The following ZMYND8 variants were observed in gnomAD, a reference collection of about 807,000 sequenced individuals.
ZMYND8 encodes the protein MYND-type zinc finger-containing chromatin reader ZMYND8.
In ZMYND8, 37 loss-of-function variants were observed where a neutral mutation model predicts 140.8. The observed-to-expected ratio is 0.26, with a 90% CI of 0.20 to 0.35. The LOEUF (loss-of-function observed/expected upper bound fraction) is 0.35, where lower values mean the gene tolerates loss of function less well. Among genes scored for constraint, ZMYND8 ranks in the 10% least tolerant of loss-of-function variants. ZMYND8 has a pLI of 1.00. For missense variants in ZMYND8, 1,068 were observed against 1,570.0 expected (o/e 0.68, Z 5.40); for synonymous variants, 592 against 597.1 (o/e 0.99, Z 0.12).
chr20:47,337,800 G>A (rs976511404), intron 2 of ZMYND8, among the ~76,000 whole-genome samples: 1 of 152,032 alleles, frequency 6.6e-6, no homozygotes, highest in Non-Finnish European at 1.5e-5. Context: ...TTGAAAGCTC[G>A]AAAGCTTTGT....
chr20:47,295,850 T>C (rs1315934196), intron 4 of ZMYND8, among the ~76,000 whole-genome samples: 1 of 152,164 alleles, frequency 6.6e-6, no homozygotes, highest in African/African-American at 2.4e-5. Flanking sequence ...ACAACAAAAA[T>C]AGCAAATTCT....
chr20:47,309,986 C>A, intron 3 of ZMYND8, 70 bp downstream of exon 3: 1 of 1,596,186 alleles, frequency 6.3e-7, no homozygotes, highest in Non-Finnish European at 8.6e-7. Flanking sequence ...TTACAAGGAT[C>A]CAGAGGTTCA....
At chr20:47,261,143 C>G (rs2075122454) in intron 12 of ZMYND8, among the ~76,000 whole-genome samples, 1 of 152,104 alleles carries the variant, frequency 6.6e-6, no homozygotes, top group Non-Finnish European at 1.5e-5. Context: ...TCACTTGAAC[C>G]TGGGAAGCAG....
At chr20:47,223,961 AAACT>A (rs1395953419) in intron 19 of ZMYND8, among the ~76,000 whole-genome samples, 5 of 152,330 alleles carry the variant, frequency 3.3e-5, no homozygotes, top group East Asian at 1.9e-4. Context: ...GGTTAGTACC[AAACT>A]AACACTTTTT....
At chr20:47,309,034 G>T (rs1437345213) in intron 3 of ZMYND8, among the ~76,000 whole-genome samples, 1 of 152,142 alleles carries the variant, frequency 6.6e-6, no homozygotes, top group Non-Finnish European at 1.5e-5. Context: ...TAGTCCAGGG[G>T]GATAGATACA....
chr20:47,281,366 G>A (rs1018256302), intron 10 of ZMYND8, among the ~76,000 whole-genome samples: 8 of 152,290 alleles, frequency 5.3e-5, no homozygotes, highest in South Asian at 2.1e-4. Flanking sequence ...AAGTAGTCTC[G>A]CTACATACTA....
chr20:47,291,495 G>C (rs953468036), intron 6 of ZMYND8, among the ~76,000 whole-genome samples: 1 of 152,140 alleles, frequency 6.6e-6, no homozygotes, highest in African/African-American at 2.4e-5. Flanking sequence ...AGGAGGTAAC[G>C]CTCAAGTCAA....
intron 10 of ZMYND8, among the ~76,000 whole-genome samples, chr20:47,278,860 C>G (rs1198612161): frequency 2.6e-5 from 4 of 152,094 alleles, no homozygotes; most frequent in Non-Finnish European, 4.4e-5. Context: ...ATCAGGACTA[C>G]TAGACAGGAC....
chr20:47,281,810 A>G (rs2076622283), intron 10 of ZMYND8, among the ~76,000 whole-genome samples: 1 of 152,232 alleles, frequency 6.6e-6, no homozygotes, highest in Non-Finnish European at 1.5e-5. Flanking sequence ...AAATCAAACC[A>G]AAACAAAAAA....
At chr20:47,352,381 C>A (rs1034517171) in intron 1 of ZMYND8, 1 of 897,652 alleles carries the variant, frequency 1.1e-6, no homozygotes, top group Non-Finnish European at 1.3e-6. Context: ...CCCTCTGAAG[C>A]AGCCAGTCCT....
At position 47,287,771 on chromosome 20, in the gene ZMYND8, C is replaced by T. The variant is rs1320871835; in HGVS notation, c.749-487G>A. On this transcript the variant is annotated intron_variant, in intron 7 of 22. Transcript: ENST00000471951. ...CCTTGGGAGGCTGAGGCAGAGGGATCACTTGAGCCCAGGAGTTGAAGACCA... is the reference window on the plus strand; with the variant it reads ...CCTTGGGAGGCTGAGGCAGAGGGATTACTTGAGCCCAGGAGTTGAAGACCA... 3.2e-4 allele frequency among the ~76,000 whole-genome samples: 49 copies of T among 152,072 alleles called. 1 individual carries two copies. The highest frequency in any genetic ancestry group is 4.4e-5 in the Non-Finnish European group (3 of 68,018).
chr20:47,353,324 T>C (rs1284777805), intron 1 of ZMYND8: 1 of 152,170 alleles, frequency 6.6e-6, no homozygotes, highest in East Asian at 1.9e-4. Flanking sequence ...AAGCTATTGT[T>C]TTCATCCCTA....
intron 11 of ZMYND8, among the ~76,000 whole-genome samples, chr20:47,265,910 TG>T (rs1265418424): frequency 6.6e-6 from 1 of 152,188 alleles, no homozygotes; most frequent in Non-Finnish European, 1.5e-5. Context: ...CACTTGGATA[TG>T]GCAAGAATAA....
At chr20:47,213,579 C>T (rs568550612) in intron 21 of ZMYND8, among the ~76,000 whole-genome samples, 10 of 152,210 alleles carry the variant, frequency 6.6e-5, no homozygotes, top group Middle Eastern at 3.4e-3. Context: ...ACCTTGACAA[C>T]GGGGAAAGTC....
At chr20:47,301,991 G>C (rs554574022) in intron 3 of ZMYND8, among the ~76,000 whole-genome samples, 12 of 90,320 alleles carry the variant, frequency 1.3e-4, no homozygotes, top group Middle Eastern at 0.011. Context: ...ACTTCTCCTC[G>C]AAGCAGCCAT....
At position 47,298,724 on chromosome 20, in the gene ZMYND8, C is replaced by T; in HGVS notation, c.453+5G>A. 6.2e-7 allele frequency: 1 copy of T among 1,611,440 alleles called. No individual in the cohort carries two copies. The highest frequency in any genetic ancestry group is 8.5e-7 in the Non-Finnish European group (1 of 1,178,732). ...AGGTAATGCATTCATTCATCAGGAA[C>T]TAACCTCACATTCAGGACAAAACCA... On this transcript the variant is annotated splice_donor_5th_base_variant and intron_variant, in intron 4 of 22. Transcript: ENST00000471951. This position sits in a 1 kb window ranked among gnomAD's most constrained non-coding sequence, Gnocchi z 5.0.
chr20:47,315,414 C>CATCA (rs1355194261), intron 2 of ZMYND8, among the ~76,000 whole-genome samples: 1 of 152,146 alleles, frequency 6.6e-6, no homozygotes, highest in Non-Finnish European at 1.5e-5. Flanking sequence ...ACAACAGACA[C>CATCA]ATCAGTCAAC....
At chr20:47,232,330 C>T (rs1310417638) in intron 16 of ZMYND8, among the ~76,000 whole-genome samples, 1 of 151,958 alleles carries the variant, frequency 6.6e-6, no homozygotes, top group African/African-American at 2.4e-5. Flanking sequence ...GCTGAGATTA[C>T]ACTGCTGCAC....
In ZMYND8 at chr20:47,212,658, G is replaced by A. The variant is rs1176885820; in HGVS notation, c.3552C>T (p.Asn1184=). ...CATACTTACACTTCTGGGCGGGGTA[G>A]TTGGGGTGCGGCTGGTGGTCTGTGG... ...PTTTDHQPHP[N]YPAQKYHSRS... The change falls in exon 22 of 23, where the codon AAC becomes AAT. Residue 1184 remains asparagine (N), a synonymous_variant. Transcript: ENST00000471951. 1 of 1,613,900 alleles carries A rather than the reference G, an allele frequency of 6.2e-7. No homozygotes were observed. The highest frequency in any genetic ancestry group is 1.3e-5 in the African/African-American group (1 of 74,920).
Sources: gnomAD v4.1 joint callset for allele counts (sites outside exome capture counted in the v4.1 genomes callset) on GRCh38, gnomAD v4.1.1 for gene constraint, Gnocchi (gnomAD v3.1) non-coding constraint, MANE v1.5 for transcripts, NCBI Gene and HGNC (gene_info 2026-07-23, HGNC 2026-07-21) for gene names.